The following KIF16B variants were observed in gnomAD, a reference collection of about 807,000 sequenced individuals.
The protein encoded by KIF16B is kinesin-like protein KIF16B.
In KIF16B, 98 loss-of-function variants were observed where a neutral mutation model predicts 156.3. The observed-to-expected ratio is 0.63, with a 90% CI of 0.53 to 0.74. KIF16B has a LOEUF of 0.74. Among genes scored for constraint, KIF16B ranks in the 30% least tolerant of loss-of-function variants. The pLI is 0.00. For missense variants in KIF16B, 1,421 were observed against 1,606.5 expected, an observed-to-expected ratio of 0.88 and a Z score of 1.97; for synonymous variants, 564 against 583.7, an observed-to-expected ratio of 0.97 and a Z score of 0.49.
chr20:16,320,070 A>G (rs1227621711), intron 24 of KIF16B, among the ~76,000 whole-genome samples: 1 of 152,170 alleles, frequency 6.6e-6, no homozygotes, highest in East Asian at 1.9e-4. Context: ...GCTGTGTAAC[A>G]GGGATTACAG....
intron 12 of KIF16B, among the ~76,000 whole-genome samples, chr20:16,437,907 C>T (rs56367682): frequency 0.01 from 1,567 of 150,338 alleles, 24 homozygotes; most frequent in African/African-American, 0.032. Flanking sequence ...CTGAGATGGG[C>T]GGATCACTTG....
At chr20:16,301,948 C>A (rs904847208) in intron 25 of KIF16B, among the ~76,000 whole-genome samples, 1 of 152,150 alleles carries the variant, frequency 6.6e-6, no homozygotes, top group Non-Finnish European at 1.5e-5. Context: ...CCATGCTTGG[C>A]CTCTTTTGCC....
intron 1 of KIF16B, among the ~76,000 whole-genome samples, chr20:16,543,903 G>A (rs573747430): frequency 1.3e-5 from 2 of 152,200 alleles, no homozygotes; most frequent in East Asian, 1.9e-4. Flanking sequence ...AGGAACTCAG[G>A]AACTCAGTAA....
At chr20:16,359,484 T>C (rs2064508843) in intron 22 of KIF16B, among the ~76,000 whole-genome samples, 1 of 152,160 alleles carries the variant, frequency 6.6e-6, no homozygotes, top group South Asian at 2.1e-4. Context: ...TGCAGAACCA[T>C]GAGCCAATTA....
At chr20:16,280,293 T>TC (rs543791914) in intron 25 of KIF16B, among the ~76,000 whole-genome samples, 4,554 of 152,246 alleles carry the variant, frequency 0.03, 75 homozygotes, top group Middle Eastern at 0.044. Flanking sequence ...TGGTGTGGCT[T>TC]CCCCCCTCTC....
At chr20:16,318,190 G>A (rs531861095) in intron 24 of KIF16B, among the ~76,000 whole-genome samples, 14 of 151,952 alleles carry the variant, frequency 9.2e-5, no homozygotes, top group Non-Finnish European at 1.9e-4. Flanking sequence ...TAATTAGAAG[G>A]AACCAAAACT....
At chr20:16,413,608 T>A (rs2066012165) in intron 15 of KIF16B, among the ~76,000 whole-genome samples, 1 of 152,142 alleles carries the variant, frequency 6.6e-6, no homozygotes, top group African/African-American at 2.4e-5. Context: ...AGTGTGTGGT[T>A]CACACTTTAG....
At chr20:16,389,625 T>C (rs1015009441) in intron 17 of KIF16B, among the ~76,000 whole-genome samples, 4 of 152,210 alleles carry the variant, frequency 2.6e-5, no homozygotes, top group African/African-American at 9.6e-5. Flanking sequence ...GCAAATCCCA[T>C]GGAGACTAGG....
chr20:16,457,779 C>A (rs1442614172), intron 12 of KIF16B, among the ~76,000 whole-genome samples: 1 of 151,916 alleles, frequency 6.6e-6, no homozygotes, highest in East Asian at 1.9e-4. Flanking sequence ...TTGACATCCA[C>A]AAGGACTTGA....
chr20:16,367,280 C>T lies in KIF16B; in HGVS notation c.3498+3306G>A. The T allele has an allele frequency of 1.9e-6, 3 of 1,612,864 alleles. No individual in the cohort carries two copies. On this transcript the variant is annotated intron_variant, in intron 22 of 25. Coordinates refer to ENST00000354981, the MANE Select transcript of KIF16B (RefSeq NM_024704.5). The stretch of plus-strand genomic sequence containing the variant: ...GTGGTGAACAACTGGACATTTGGGG[C>T]TTCCTGAAGGTGCTCAGGTGGACTA...
At chr20:16,309,723 G>A (rs1053996044) in intron 25 of KIF16B, among the ~76,000 whole-genome samples, 10 of 146,930 alleles carry the variant, frequency 6.8e-5, no homozygotes, top group Admixed American at 1.3e-4. Context: ...TTGCATTTCT[G>A]GATATTAATA....
chr20:16,330,650 TTTG>T, intron 24 of KIF16B, among the ~76,000 whole-genome samples: 1 of 152,222 alleles, frequency 6.6e-6, no homozygotes, highest in Non-Finnish European at 1.5e-5. Flanking sequence ...ACATGCCAAG[TTTG>T]TTATGAGACA....
At chr20:16,507,032 T>A (rs6034508) in intron 7 of KIF16B, among the ~76,000 whole-genome samples, 35,704 of 150,082 alleles carry the variant, frequency 0.24, 4,859 homozygotes, top group East Asian at 0.36. Context: ...GCCCAGAGGT[T>A]GAGACTGCAG....
At chr20:16,481,105 A>C (rs932864644) in intron 12 of KIF16B, among the ~76,000 whole-genome samples, 2 of 151,972 alleles carry the variant, frequency 1.3e-5, no homozygotes, top group Non-Finnish European at 1.5e-5. Context: ...TGGGGGTATC[A>C]CTCCTATTCA....
intron 17 of KIF16B, among the ~76,000 whole-genome samples, chr20:16,397,233 C>A (rs1018133528): frequency 3.3e-5 from 5 of 152,182 alleles, no homozygotes; most frequent in Non-Finnish European, 7.3e-5. Context: ...TATCTCCTGG[C>A]AAAGACCCTG....
In KIF16B at chr20:16,324,834, G is replaced by T. The variant is rs139238606; in HGVS notation, c.3711+11092C>A. Among the ~76,000 whole-genome samples, 5 of 151,802 alleles carry T rather than the reference G, an allele frequency of 3.3e-5. No homozygotes were observed. In the South Asian group the frequency reaches 8.3e-4, roughly 25 times the overall value. On this transcript the variant is annotated intron_variant, in intron 24 of 25. Coordinates refer to ENST00000354981, the MANE Select transcript of KIF16B (RefSeq NM_024704.5). Reference sequence around the variant, plus strand: ...TCACCCTAATACCAAAACCAGGAAAGAACATAACAACTAAAAAAGAAAACT... The same window carrying T: ...TCACCCTAATACCAAAACCAGGAAATAACATAACAACTAAAAAAGAAAACT...
At chr20:16,312,716 GTATTTTATACTTTTTGTT>G (rs2063637784) in intron 24 of KIF16B, among the ~76,000 whole-genome samples, 1 of 151,320 alleles carries the variant, frequency 6.6e-6, no homozygotes, top group South Asian at 2.1e-4. Flanking sequence ...GTGCCAGGTG[GTATTTTATACTTTTTGTT>G]TTTTAAAACA....
intron 12 of KIF16B, among the ~76,000 whole-genome samples, chr20:16,454,828 T>G (rs1341901212): frequency 1.3e-5 from 2 of 152,154 alleles, no homozygotes; most frequent in Non-Finnish European, 2.9e-5. Context: ...ATAAATATCT[T>G]AGAAGCAATA....
At chr20:16,564,309 C>T (rs976221568) in intron 1 of KIF16B, among the ~76,000 whole-genome samples, 6 of 152,248 alleles carry the variant, frequency 3.9e-5, no homozygotes, top group Non-Finnish European at 8.8e-5. Context: ...GTATATGTGC[C>T]ACATTTTCTT....
Sources: allele counts gnomAD v4.1 joint callset (sites outside exome capture counted in the v4.1 genomes callset), GRCh38; gene constraint gnomAD v4.1.1; transcripts MANE v1.5; gene names NCBI Gene and HGNC (gene_info 2026-07-23, HGNC 2026-07-21).